PRKN: variants seen among roughly 807,000 people sequenced by gnomAD.
PRKN encodes parkin RBR E3 ubiquitin protein ligase.
A neutral mutation model predicts 59.5 loss-of-function variants in PRKN; 56 were observed. That is an observed-to-expected ratio of 0.94 (90% CI 0.76 to 1.18). The LOEUF (loss-of-function observed/expected upper bound fraction) is 1.18. Ranked by LOEUF, PRKN falls within the 50% of genes most tolerant of loss-of-function variation. The probability of loss-of-function intolerance (pLI) is 0.00; values close to 1 mark genes in which losing one functional copy is unlikely to be tolerated. For missense variants in PRKN, 657 were observed against 596.4 expected (o/e 1.10, Z -1.06); for synonymous variants, 250 against 222.1 (o/e 1.13, Z -1.12).
chr6:161,364,967 G>T (rs1382187130), intron 10 of PRKN, among the ~76,000 whole-genome samples: 2 of 151,832 alleles, frequency 1.3e-5, no homozygotes, highest in African/African-American at 4.8e-5. Flanking sequence ...ACTAGATGCC[G>T]GACAAGAATA....
intron 2 of PRKN, among the ~76,000 whole-genome samples, chr6:162,307,509 T>C (rs1436615117): frequency 6.6e-6 from 1 of 150,480 alleles, no homozygotes; most frequent in Non-Finnish European, 1.5e-5. Flanking sequence ...GATGTGCATA[T>C]ATGGGAAAAA....
At chr6:161,767,882 C>T (rs1789498821) in intron 7 of PRKN, among the ~76,000 whole-genome samples, 1 of 152,064 alleles carries the variant, frequency 6.6e-6, no homozygotes, top group South Asian at 2.1e-4. Flanking sequence ...AACATGGATA[C>T]TGTGGTATCC....
intron 1 of PRKN, among the ~76,000 whole-genome samples, chr6:162,547,841 C>A (rs1779178192): frequency 6.6e-6 from 1 of 152,050 alleles, no homozygotes; most frequent in South Asian, 2.1e-4. Context: ...TTTAGCCTCC[C>A]AAACTGCTGG....
intron 3 of PRKN, among the ~76,000 whole-genome samples, chr6:162,233,041 A>G (rs1223741837): frequency 6.6e-6 from 1 of 152,180 alleles, no homozygotes; most frequent in African/African-American, 2.4e-5. Flanking sequence ...ATGAACAACT[A>G]TATTTCCTTA....
At chr6:161,659,140 A>G (rs1784456539) in intron 7 of PRKN, among the ~76,000 whole-genome samples, 2 of 152,312 alleles carry the variant, frequency 1.3e-5, no homozygotes, top group South Asian at 2.1e-4. Context: ...CCACATTCTC[A>G]GTTAGGTATA....
chr6:162,417,755 CGT>C (rs1788707805), intron 2 of PRKN, among the ~76,000 whole-genome samples: 1 of 152,186 alleles, frequency 6.6e-6, no homozygotes, highest in African/African-American at 2.4e-5. Flanking sequence ...AGTTCATGAA[CGT>C]GTTTACGGGT....
chr6:162,622,328 T>C (rs558051255), intron 1 of PRKN, among the ~76,000 whole-genome samples: 1 of 150,508 alleles, frequency 6.6e-6, no homozygotes, highest in Non-Finnish European at 1.5e-5. Context: ...GGTAGCAGAG[T>C]CTCGCTCTGC....
rs1790255425 is a variant in PRKN, at chr6:161,462,217, A to G, written c.1084-75340T>C. Reference sequence around the variant, plus strand: ...TTCCAATATGACCAAAGTCTAGTCCATCTAGAGAGATCAGATCAAAAGTGA... The same window carrying G: ...TTCCAATATGACCAAAGTCTAGTCCGTCTAGAGAGATCAGATCAAAAGTGA... On this transcript the variant is annotated intron_variant, in intron 9 of 11. Coordinates refer to ENST00000366898, the MANE Select transcript of PRKN (RefSeq NM_004562.3). This position sits in a 1 kb window ranked among gnomAD's most constrained non-coding sequence, Gnocchi z 4.5. 6.6e-6 allele frequency among the ~76,000 whole-genome samples: 1 copy of G among 152,222 alleles called. No homozygotes were observed. The highest frequency in any genetic ancestry group is 6.5e-5 in the Admixed American group (1 of 15,282).
chr6:162,368,937 T>C (rs2128136168), intron 2 of PRKN, among the ~76,000 whole-genome samples: 3 of 152,318 alleles, frequency 2.0e-5, no homozygotes, highest in Middle Eastern at 3.4e-3. Context: ...ATTAAAAAGA[T>C]AACATCAATA....
At chr6:162,152,037 G>C (rs534042169) in intron 4 of PRKN, among the ~76,000 whole-genome samples, 2 of 152,064 alleles carry the variant, frequency 1.3e-5, no homozygotes, top group African/African-American at 4.8e-5. Context: ...TTATATTAAG[G>C]GTCCCACATG....
chr6:161,645,052 A>T (rs6938880), intron 7 of PRKN, among the ~76,000 whole-genome samples: 2 of 151,872 alleles, frequency 1.3e-5, no homozygotes, highest in Non-Finnish European at 2.9e-5. Context: ...GTGACATTTT[A>T]TCAATAAGAA....
At chr6:162,680,697 A>C (rs1489693105) in intron 1 of PRKN, among the ~76,000 whole-genome samples, 2 of 152,160 alleles carry the variant, frequency 1.3e-5, no homozygotes, top group Non-Finnish European at 2.9e-5. Flanking sequence ...AGTGGAGCTC[A>C]CTATTTAGGT....
chr6:162,203,020 A>AAGGGGAGTC (rs1421144928), intron 3 of PRKN, among the ~76,000 whole-genome samples: 11 of 152,308 alleles, frequency 7.2e-5, no homozygotes, highest in Non-Finnish European at 1.5e-5. Context: ...AAAGCTTTGA[A>AAGGGGAGTC]AGGGGAGTCA....
chr6:162,300,834 A>G (rs1781910630), intron 2 of PRKN, among the ~76,000 whole-genome samples: 1 of 152,130 alleles, frequency 6.6e-6, no homozygotes, highest in Non-Finnish European at 1.5e-5. Context: ...CCTACCAACA[A>G]CCATTAACAA....
chr6:161,599,271 A>G (rs2128142977), intron 7 of PRKN, among the ~76,000 whole-genome samples: 1 of 152,260 alleles, frequency 6.6e-6, no homozygotes, highest in African/African-American at 2.4e-5. Flanking sequence ...GTGACAATGG[A>G]TATATTCTTG....
At chr6:161,925,496 G>A (rs139075139) in intron 6 of PRKN, among the ~76,000 whole-genome samples, 17 of 152,274 alleles carry the variant, frequency 1.1e-4, no homozygotes, top group African/African-American at 3.4e-4. Context: ...GCTTGAGCCC[G>A]GGAGGTGGAG....
intron 7 of PRKN, among the ~76,000 whole-genome samples, chr6:161,659,402 G>A (rs1784465568): frequency 6.6e-6 from 1 of 152,184 alleles, no homozygotes. Context: ...TCACACACAT[G>A]TTTAAGCAGG....
intron 1 of PRKN, among the ~76,000 whole-genome samples, chr6:162,499,298 CCT>C (rs1793252368): frequency 6.6e-6 from 1 of 152,134 alleles, no homozygotes; most frequent in African/African-American, 2.4e-5. Flanking sequence ...AACTCTGTGC[CCT>C]GGTAAATCTT....
rs555447741 is a variant in PRKN, at chr6:161,709,150, G to A, written c.871+76622C>T. Reference sequence around the variant, plus strand: ...AAGAGGCATTTATAAAACACTGCAGGAGCTAATATGTTTTAAAAATAAAAT... The same window carrying A: ...AAGAGGCATTTATAAAACACTGCAGAAGCTAATATGTTTTAAAAATAAAAT... On this transcript the variant is annotated intron_variant, in intron 7 of 11. Coordinates refer to ENST00000366898, the MANE Select transcript of PRKN (RefSeq NM_004562.3). Among the ~76,000 whole-genome samples the A allele has an allele frequency of 3.3e-5, 5 of 152,260 alleles. No homozygotes were observed. The South Asian group carries it at 1.0e-3, about 32-fold the overall frequency.
Sources: gnomAD v4.1 joint callset for allele counts (sites outside exome capture counted in the v4.1 genomes callset) on GRCh38, gnomAD v4.1.1 for gene constraint, Gnocchi (gnomAD v3.1) non-coding constraint, MANE v1.5 for transcripts, NCBI Gene and HGNC (gene_info 2026-07-23, HGNC 2026-07-21) for gene names.